The following CCDC170 variants were observed in gnomAD, a reference collection of about 807,000 sequenced individuals.
CCDC170 encodes coiled-coil domain-containing protein 170.
A neutral mutation model predicts 72.6 loss-of-function variants in CCDC170; 69 were observed. The ratio of observed to expected loss-of-function variants is 0.95; its 90% CI spans 0.78 to 1.16. CCDC170 has a LOEUF of 1.16. Among genes scored for constraint, CCDC170 ranks in the 50% most tolerant of loss-of-function variants. The pLI is 0.00. For synonymous variants in CCDC170, 300 were observed against 303.9 expected, an observed-to-expected ratio of 0.99 and a Z score of 0.13; for missense variants, 852 against 832.5, an observed-to-expected ratio of 1.02 and a Z score of -0.29.
At chr6:151,544,865 AG>A in intron 4 of CCDC170, 149 bp downstream of exon 4, 1 of 639,414 alleles carries the variant, frequency 1.6e-6, no homozygotes, top group East Asian at 2.7e-5. Context: ...ACTTGGGACA[AG>A]TCACGTCACC....
intron 1 of CCDC170, among the ~76,000 whole-genome samples, chr6:151,526,095 T>TCTTCCTTC (rs202097692): frequency 6.9e-6 from 1 of 145,584 alleles, no homozygotes; most frequent in African/African-American, 2.7e-5. Flanking sequence ...TTCCTTCCTT[T>TCTTCCTTC]CTTCCTTCCT....
chr6:151,573,505 G>C lies in CCDC170; in HGVS notation c.1092+14G>C. 1 of 1,607,860 alleles carries C rather than the reference G, an allele frequency of 6.2e-7. No homozygotes were observed. Among genetic ancestry groups the C allele is most frequent in the Non-Finnish European group, 8.5e-7 (1 of 1,176,448 alleles). On this transcript the variant is annotated intron_variant, in intron 6 of 10. Coordinates refer to ENST00000239374, the MANE Select transcript of CCDC170 (RefSeq NM_025059.4). ...AGCAGGGACCGGGTGAGTGGGTCAT[G>C]GCTGTTTACAGACATCTTAAGAACA...
chr6:151,546,400 T>G (rs1782772475), intron 4 of CCDC170, among the ~76,000 whole-genome samples: 1 of 152,192 alleles, frequency 6.6e-6, no homozygotes, highest in Non-Finnish European at 1.5e-5. Context: ...CTTTTCTCTA[T>G]CGGACACAAT....
rs553181579 is a variant in CCDC170 at position 151,594,656 on chromosome 6, CT to C, written c.1467+1388del. On this transcript the variant is annotated intron_variant, in intron 8 of 10. Coordinates refer to ENST00000239374, the MANE Select transcript of CCDC170 (RefSeq NM_025059.4). ...ATGGAGTGGAATTTTCTTTTCTTTTCTTTTTTTTTTTTGAGACAGAGTTTCA... is the reference window on the plus strand; with the variant it reads ...ATGGAGTGGAATTTTCTTTTCTTTTCTTTTTTTTTTTGAGACAGAGTTTCA... Among the ~76,000 whole-genome samples, 629 of 143,260 alleles carry C rather than the reference CT, an allele frequency of 4.4e-3. 2 individuals carry two copies. Among genetic ancestry groups the C allele is most frequent in the African/African-American group, 0.013 (507 of 39,424 alleles). 94.0% of individuals were successfully genotyped at this position (143,260 alleles called of 152,430 possible).
intron 5 of CCDC170, among the ~76,000 whole-genome samples, chr6:151,564,468 T>A (rs946794193): frequency 7.9e-5 from 12 of 151,960 alleles, no homozygotes; most frequent in African/African-American, 2.7e-4. Flanking sequence ...CAGGTCTAGG[T>A]GGGTCTATAC....
At chr6:151,583,102 C>G (rs1316592599) in intron 6 of CCDC170, among the ~76,000 whole-genome samples, 5 of 147,616 alleles carry the variant, frequency 3.4e-5, no homozygotes, top group Non-Finnish European at 7.4e-5. Context: ...AAGTGATTCT[C>G]CTGTCTCAGC....
At chr6:151,601,965 T>C (rs1776716339) in intron 9 of CCDC170, among the ~76,000 whole-genome samples, 1 of 152,258 alleles carries the variant, frequency 6.6e-6, no homozygotes, top group Non-Finnish European at 1.5e-5. Context: ...TACCACATTT[T>C]GGTTGTCCAT....
In CCDC170 at chr6:151,563,015, C is replaced by T. The variant is rs906436409; in HGVS notation, c.775-10159C>T. On this transcript the variant is annotated intron_variant, in intron 5 of 10. Coordinates refer to ENST00000239374, the MANE Select transcript of CCDC170 (RefSeq NM_025059.4). ...TTGGCCACAGTGTGGCTGCAGGCCA[C>T]CAGTATGCCCCTCTGATGACTACCA... is the stretch of plus-strand genomic sequence containing the variant. 2.0e-5 allele frequency among the ~76,000 whole-genome samples: 3 copies of T among 152,186 alleles called. No homozygotes were observed. The South Asian group carries it at 6.2e-4, about 32-fold the overall frequency.
rs1377850031 is a variant in CCDC170, at chr6:151,547,617, A to G, written c.589-687A>G. On this transcript the variant is annotated intron_variant, in intron 4 of 10. Transcript: ENST00000239374. ...CACTTCCACGGAGAGTCTCAACACA[A>G]ATGCTGGCCCTGTCCTGAGGGGTCT... Among the ~76,000 whole-genome samples the G allele has an allele frequency of 7.9e-5, 12 of 152,076 alleles. No homozygotes were observed. In the East Asian group the frequency reaches 2.3e-3, roughly 29 times the overall value.
At chr6:151,585,621 G>A (rs543018215) in intron 6 of CCDC170, among the ~76,000 whole-genome samples, 1 of 152,132 alleles carries the variant, frequency 6.6e-6, no homozygotes, top group Non-Finnish European at 1.5e-5. Context: ...GTAAGTAAAT[G>A]TTATCCATAA....
At chr6:151,599,651 A>G (rs1776674811) in intron 9 of CCDC170, among the ~76,000 whole-genome samples, 1 of 152,126 alleles carries the variant, frequency 6.6e-6, no homozygotes, top group African/African-American at 2.4e-5. Flanking sequence ...ACTGAGAAGA[A>G]ACAGAGAGAG....
intron 3 of CCDC170, among the ~76,000 whole-genome samples, chr6:151,542,116 G>A (rs1306809720): frequency 6.6e-6 from 1 of 151,962 alleles, no homozygotes; most frequent in Non-Finnish European, 1.5e-5. Flanking sequence ...CTGACCTCAA[G>A]TGATCTGCCT....
At chr6:151,606,172 G>T (rs919573493) in intron 9 of CCDC170, among the ~76,000 whole-genome samples, 5 of 152,160 alleles carry the variant, frequency 3.3e-5, no homozygotes, top group Non-Finnish European at 5.9e-5. Flanking sequence ...AAGCTGTTGG[G>T]ATTACAGGCG....
intron 1 of CCDC170, among the ~76,000 whole-genome samples, chr6:151,523,679 C>T (rs1010918018): frequency 1.4e-5 from 2 of 140,124 alleles, no homozygotes; most frequent in African/African-American, 5.7e-5. Flanking sequence ...GAGTAAGACT[C>T]TGTCTCAAAA....
At chr6:151,568,798 T>G (rs1776175872) in intron 5 of CCDC170, among the ~76,000 whole-genome samples, 1 of 152,328 alleles carries the variant, frequency 6.6e-6, no homozygotes, top group East Asian at 1.9e-4. Context: ...TCATATTCTA[T>G]AGTATGGATG....
chr6:151,531,408 G>T (rs1440099497), intron 1 of CCDC170, among the ~76,000 whole-genome samples: 3 of 152,158 alleles, frequency 2.0e-5, no homozygotes, highest in Non-Finnish European at 4.4e-5. Flanking sequence ...TTCAAGACCA[G>T]CCTGGTCAAC....
chr6:151,514,727 G>T (rs1405563060), intron 1 of CCDC170, among the ~76,000 whole-genome samples: 1 of 152,114 alleles, frequency 6.6e-6, no homozygotes, highest in Non-Finnish European at 1.5e-5. Flanking sequence ...GGGGAAAGAT[G>T]GATCAGGTCT....
intron 1 of CCDC170, among the ~76,000 whole-genome samples, chr6:151,535,498 T>C (rs866777177): frequency 1.3e-5 from 2 of 152,222 alleles, no homozygotes; most frequent in Non-Finnish European, 2.9e-5. Context: ...GCATAGTGAA[T>C]AGTTACAAAG....
intron 5 of CCDC170, among the ~76,000 whole-genome samples, chr6:151,561,342 T>C (rs1199289603): frequency 6.6e-6 from 1 of 152,174 alleles, no homozygotes; most frequent in Non-Finnish European, 1.5e-5. Flanking sequence ...TGTGCTTTTA[T>C]AGTCTCAAGT....
Sources: gnomAD v4.1 joint callset for allele counts (sites outside exome capture counted in the v4.1 genomes callset) on GRCh38, gnomAD v4.1.1 for gene constraint, MANE v1.5 for transcripts, NCBI Gene and HGNC (gene_info 2026-07-23, HGNC 2026-07-21) for gene names.